XYLT1: variants seen among roughly 807,000 people sequenced by gnomAD.
The protein encoded by XYLT1 is xylosyltransferase 1.
XYLT1 carries 36 observed loss-of-function variants against 91.3 expected under a neutral mutation model. That is an observed-to-expected ratio of 0.39 (90% CI 0.30 to 0.52). The LOEUF (loss-of-function observed/expected upper bound fraction) is 0.52, where lower values mean the gene tolerates loss of function less well. Among genes scored for constraint, XYLT1 ranks in the 20% least tolerant of loss-of-function variants. The pLI, the probability that XYLT1 is intolerant of heterozygous loss-of-function variation, is 0.68. For synonymous variants in XYLT1, 588 were observed against 532.0 expected, an observed-to-expected ratio of 1.11 and a Z score of -1.45; for missense variants, 1,242 against 1,284.5, an observed-to-expected ratio of 0.97 and a Z score of 0.51.
chr16:17,234,315 T>C (rs2033212483), intron 3 of XYLT1, among the ~76,000 whole-genome samples: 1 of 152,126 alleles, frequency 6.6e-6, no homozygotes, highest in South Asian at 2.1e-4. Context: ...AAATCATCCC[T>C]CCATTTCAGC....
chr16:17,446,637 T>C (rs770614689), intron 1 of XYLT1, among the ~76,000 whole-genome samples: 1 of 152,178 alleles, frequency 6.6e-6, no homozygotes, highest in Non-Finnish European at 1.5e-5. Flanking sequence ...GAAACACCCA[T>C]GTCTTCCCTC....
chr16:17,441,815 A>C (rs1334354436), intron 1 of XYLT1, among the ~76,000 whole-genome samples: 1 of 152,192 alleles, frequency 6.6e-6, no homozygotes, highest in Non-Finnish European at 1.5e-5. Flanking sequence ...CCAGCTCTCT[A>C]CAATAACCCT....
chr16:17,161,003 C>T (rs2031535802), intron 5 of XYLT1, among the ~76,000 whole-genome samples: 1 of 152,142 alleles, frequency 6.6e-6, no homozygotes, highest in African/African-American at 2.4e-5. Flanking sequence ...CTGAATGGGT[C>T]CCCGGCAGTT....
At chr16:17,258,890 C>G in intron 3 of XYLT1, 98 bp downstream of exon 3, 1 of 1,367,914 alleles carries the variant, frequency 7.3e-7, no homozygotes, top group South Asian at 2.2e-5. Flanking sequence ...ACAGGGTGGC[C>G]TTTCTCAGAA....
chr16:17,242,129 C>G (rs2141735616), intron 3 of XYLT1, among the ~76,000 whole-genome samples: 1 of 152,312 alleles, frequency 6.6e-6, no homozygotes, highest in Admixed American at 6.5e-5. Context: ...CCTCCCATGA[C>G]ACATGGGAAT....
intron 1 of XYLT1, among the ~76,000 whole-genome samples, chr16:17,367,185 A>G (rs774244026): frequency 6.6e-6 from 1 of 152,140 alleles, no homozygotes; most frequent in Non-Finnish European, 1.5e-5. Context: ...TTCCTCTTAG[A>G]AGACAATTGG....
intron 1 of XYLT1, among the ~76,000 whole-genome samples, chr16:17,392,789 C>A (rs965716150): frequency 3.3e-5 from 5 of 152,162 alleles, no homozygotes; most frequent in African/African-American, 1.2e-4. Context: ...GGGACAAAGA[C>A]AAGACTAGAA....
intron 2 of XYLT1, among the ~76,000 whole-genome samples, chr16:17,285,906 GTGTGTGTGTGTGTCCA>G (rs1374302398): frequency 3.5e-4 from 45 of 128,562 alleles, no homozygotes; most frequent in Non-Finnish European, 4.0e-4. Context: ...GTGTGTGTGT[GTGTGTGTGTGTGTCCA>G]TGTGTGTGTG....
chr16:17,239,508 C>T (rs1470303903), intron 3 of XYLT1, among the ~76,000 whole-genome samples: 1 of 25,896 alleles, frequency 3.9e-5, no homozygotes, highest in Non-Finnish European at 1.2e-4. Context: ...ATCTATTCAT[C>T]CATCCATCCA....
intron 3 of XYLT1, among the ~76,000 whole-genome samples, chr16:17,217,226 T>C (rs572599450): frequency 6.6e-6 from 1 of 152,268 alleles, no homozygotes; most frequent in African/African-American, 2.4e-5. Flanking sequence ...GGAGCTGCAG[T>C]TCCTGGGAGA....
chr16:17,395,806 T>C (rs1396721876), intron 1 of XYLT1, among the ~76,000 whole-genome samples: 2 of 152,222 alleles, frequency 1.3e-5, no homozygotes, highest in Admixed American at 6.5e-5. Context: ...CATATTGACA[T>C]GGAATTCTTC....
intron 2 of XYLT1, among the ~76,000 whole-genome samples, chr16:17,300,697 T>C (rs762001186): frequency 1.3e-5 from 2 of 151,924 alleles, no homozygotes; most frequent in Non-Finnish European, 2.9e-5. Context: ...TGGGCTCAGA[T>C]GACTGCCCAC....
intron 1 of XYLT1, among the ~76,000 whole-genome samples, chr16:17,416,842 G>T (rs115257531): frequency 6.6e-6 from 1 of 152,174 alleles, no homozygotes; most frequent in Admixed American, 6.5e-5. Flanking sequence ...TCGGAGATGT[G>T]GGGGAGAGGA....
intron 1 of XYLT1, among the ~76,000 whole-genome samples, chr16:17,450,108 C>T (rs2036645398): frequency 6.6e-6 from 1 of 152,084 alleles, no homozygotes; most frequent in South Asian, 2.1e-4. Flanking sequence ...GAGGTGGAGG[C>T]AGGCAGATCA....
chr16:17,407,926 A>G (rs1488529080), intron 1 of XYLT1, among the ~76,000 whole-genome samples: 2 of 152,198 alleles, frequency 1.3e-5, no homozygotes, highest in Admixed American at 6.5e-5. Flanking sequence ...GGATGTTTAC[A>G]AACAGTCTGG....
chr16:17,366,823 T>G (rs1028186503), intron 1 of XYLT1, among the ~76,000 whole-genome samples: 1 of 152,134 alleles, frequency 6.6e-6, no homozygotes, highest in Non-Finnish European at 1.5e-5. Context: ...CATTCATTAG[T>G]GGGTGGTGAA....
intron 9 of XYLT1, among the ~76,000 whole-genome samples, chr16:17,131,654 C>T (rs2030483093): frequency 6.6e-6 from 1 of 152,040 alleles, no homozygotes; most frequent in South Asian, 2.1e-4. Context: ...CTCAACCTGC[C>T]ATTTCAGAAA....
In XYLT1 at chr16:17,331,987, C is replaced by A. The variant is rs2034904731; in HGVS notation, c.402+26025G>T. On this transcript the variant is annotated intron_variant, in intron 2 of 11. Transcript: ENST00000261381. ...CTGGAGAGTGGGTTTCTGTTCCCTG[C>A]CAGCCTCTGGGATTATTTAAACAAG... Among the ~76,000 whole-genome samples, 3 of 152,186 alleles carry A rather than the reference C, an allele frequency of 2.0e-5. No homozygotes were observed. In the South Asian group the frequency reaches 6.2e-4, roughly 32 times the overall value.
chr16:17,309,877 T>C (rs2034518038), intron 2 of XYLT1, among the ~76,000 whole-genome samples: 1 of 152,134 alleles, frequency 6.6e-6, no homozygotes, highest in Non-Finnish European at 1.5e-5. Context: ...TTTTGGTGGA[T>C]GGTGAGAAAG....
Sources: allele counts gnomAD v4.1 joint callset (sites outside exome capture counted in the v4.1 genomes callset), GRCh38; gene constraint gnomAD v4.1.1; transcripts MANE v1.5; gene names NCBI Gene and HGNC (gene_info 2026-07-23, HGNC 2026-07-21).